Variants in PARD3B observed in about 807,000 individuals in gnomAD.
PARD3B encodes par-3 family cell polarity regulator beta, also known as partitioning defective 3 homolog B.
In PARD3B, 103 loss-of-function variants were observed where a neutral mutation model predicts 130.2. The observed-to-expected ratio is 0.79, with a 90% CI of 0.67 to 0.93. PARD3B has a LOEUF of 0.93. PARD3B is among the 40% of genes least tolerant of loss of function. The probability of loss-of-function intolerance (pLI) is 0.00; values close to 1 mark genes in which losing one functional copy is unlikely to be tolerated. For missense variants in PARD3B, 1,609 were observed against 1,499.2 expected, an observed-to-expected ratio of 1.07 and a Z score of -1.21; for synonymous variants, 583 against 553.2, an observed-to-expected ratio of 1.05 and a Z score of -0.76.
chr2:205,333,802 CCTCT>C (rs1294799236), intron 18 of PARD3B, among the ~76,000 whole-genome samples: 1 of 151,966 alleles, frequency 6.6e-6, no homozygotes, highest in Non-Finnish European at 1.5e-5. Flanking sequence ...TCTATGATTC[CCTCT>C]AAGATGGTGG....
At chr2:204,788,365 C>G (rs1250315623) in intron 2 of PARD3B, among the ~76,000 whole-genome samples, 2 of 152,210 alleles carry the variant, frequency 1.3e-5, no homozygotes, top group African/African-American at 4.8e-5. Context: ...TTGCAAAAGA[C>G]AGAGGCATAG....
intron 21 of PARD3B, among the ~76,000 whole-genome samples, chr2:205,518,122 G>A (rs1289716853): frequency 6.6e-6 from 1 of 152,036 alleles, no homozygotes; most frequent in Non-Finnish European, 1.5e-5. Context: ...GTTGAGTTCA[G>A]GTCCTGAATA....
intron 18 of PARD3B, among the ~76,000 whole-genome samples, chr2:205,314,189 TATCTGAGAACTTCAATGTAATTTA>T (rs2042483040): frequency 6.6e-6 from 1 of 152,192 alleles, no homozygotes. Context: ...TAGTACCTTT[TATCTGAGAACTTCAATGTAATTTA>T]CTAACATCCA....
At chr2:205,106,812 T>A (rs1703255057) in intron 5 of PARD3B, among the ~76,000 whole-genome samples, 1 of 152,116 alleles carries the variant, frequency 6.6e-6, no homozygotes, top group Non-Finnish European at 1.5e-5. Context: ...TGAGTGCAAT[T>A]CCCAGCACTT....
At chr2:204,634,291 G>T (rs1046640732) in intron 1 of PARD3B, among the ~76,000 whole-genome samples, 1 of 152,112 alleles carries the variant, frequency 6.6e-6, no homozygotes, top group Non-Finnish European at 1.5e-5. Context: ...ATGATCTCCA[G>T]TTCCATTCAT....
At position 204,606,653 on chromosome 2, in the gene PARD3B, G is replaced by A. The variant is rs10174747; in HGVS notation, c.120+60534G>A. Among the ~76,000 whole-genome samples the A allele has an allele frequency of 0.68, 103,916 of 151,952 alleles. 36,964 individuals are homozygous for A. The highest frequency in any genetic ancestry group is 0.78 in the East Asian group (4,024 of 5,156). On this transcript the variant is annotated intron_variant, in intron 1 of 22. Coordinates refer to ENST00000406610, the MANE Select transcript of PARD3B (RefSeq NM_001302769.2). The surrounding 1 kb of genome is among the most constrained non-coding windows in gnomAD (Gnocchi z 4.0). ...ATCAACCATTTATGAAGAAGCTCCA[G>A]TGGCTACCACAGATGACGCACTGGT...
At chr2:205,195,302 C>G (rs41384245) in intron 15 of PARD3B, among the ~76,000 whole-genome samples, 25,025 of 151,990 alleles carry the variant, frequency 0.16, 2,432 homozygotes, top group African/African-American at 0.27. Context: ...ACCCTAGTAC[C>G]AAACTAAAAG....
chr2:205,512,989 CTTT>C (rs34921395), intron 21 of PARD3B, among the ~76,000 whole-genome samples: 3 of 143,330 alleles, frequency 2.1e-5, no homozygotes, highest in South Asian at 2.2e-4. Context: ...TTTTTTCCTT[CTTT>C]TTTTTTTTTT....
intron 2 of PARD3B, among the ~76,000 whole-genome samples, chr2:204,696,001 A>C (rs913577513): frequency 3.3e-5 from 5 of 152,056 alleles, no homozygotes; most frequent in Non-Finnish European, 5.9e-5. Context: ...ACTAAAGTAC[A>C]AGGATAGTTG....
chr2:205,571,651 C>A (rs1274161978), intron 22 of PARD3B, among the ~76,000 whole-genome samples: 1 of 152,074 alleles, frequency 6.6e-6, no homozygotes, highest in South Asian at 2.1e-4. Flanking sequence ...TTTTATCAAC[C>A]TTACTAATAA....
intron 18 of PARD3B, among the ~76,000 whole-genome samples, chr2:205,335,970 CAT>C (rs991503915): frequency 6.6e-6 from 1 of 152,174 alleles, no homozygotes; most frequent in African/African-American, 2.4e-5. Context: ...TCCCATGACA[CAT>C]AGGAATTGTG....
At chr2:205,436,938 G>T (rs369399619) in intron 19 of PARD3B, among the ~76,000 whole-genome samples, 1 of 151,894 alleles carries the variant, frequency 6.6e-6, no homozygotes, top group South Asian at 2.1e-4. Context: ...GACCTGCTCA[G>T]GGGAAATATC....
At chr2:204,914,444 A>G (rs1202251886) in intron 2 of PARD3B, among the ~76,000 whole-genome samples, 1 of 152,150 alleles carries the variant, frequency 6.6e-6, no homozygotes, top group African/African-American at 2.4e-5. Context: ...TTCTTGTCTA[A>G]TGACAGTGAG....
chr2:204,980,768 C>T (rs1247460560), intron 3 of PARD3B, among the ~76,000 whole-genome samples: 2 of 152,066 alleles, frequency 1.3e-5, no homozygotes, highest in Admixed American at 6.5e-5. Context: ...TCATGAACAA[C>T]AAGGAAAGAT....
chr2:205,445,326 A>AT (rs1275309372), intron 20 of PARD3B, among the ~76,000 whole-genome samples: 1 of 152,160 alleles, frequency 6.6e-6, no homozygotes, highest in Non-Finnish European at 1.5e-5. Context: ...CTATAATGAG[A>AT]TACCTGTGAC....
intron 21 of PARD3B, among the ~76,000 whole-genome samples, chr2:205,506,205 C>T (rs2106358209): frequency 6.6e-6 from 1 of 152,142 alleles, no homozygotes; most frequent in African/African-American, 2.4e-5. Flanking sequence ...TGGTGGTGCA[C>T]ACCTGTAGTC....
chr2:205,528,180 T>C (rs1011350765), intron 21 of PARD3B, among the ~76,000 whole-genome samples: 3 of 152,166 alleles, frequency 2.0e-5, no homozygotes, highest in Non-Finnish European at 4.4e-5. Flanking sequence ...TGAAGCCTTC[T>C]CCAGCTGCTC....
intron 2 of PARD3B, among the ~76,000 whole-genome samples, chr2:204,884,074 GCTAAATATTTCATCTTTTT>G (rs1372855056): frequency 2.0e-5 from 3 of 152,128 alleles, no homozygotes; most frequent in Non-Finnish European, 2.9e-5. Flanking sequence ...CAAGATAATA[GCTAAATATTTCATCTTTTT>G]CTAGGATTAA....
In PARD3B at chr2:205,406,235, A is replaced by T. The variant is rs143617898; in HGVS notation, c.2741+5112A>T. On this transcript the variant is annotated intron_variant, in intron 19 of 22. Transcript: ENST00000406610. ...ACTTTATCAGTTTATTTGCTTATTC[A>T]TCCATTCATTTATTTACTTTTTTGA... is the stretch of plus-strand genomic sequence containing the variant. 2.6e-3 allele frequency among the ~76,000 whole-genome samples: 394 copies of T among 152,268 alleles called. 3 individuals are homozygous for T. The East Asian group carries it at 0.039, about 15-fold the overall frequency.
Sources: gnomAD v4.1 joint callset for allele counts (sites outside exome capture counted in the v4.1 genomes callset) on GRCh38, gnomAD v4.1.1 for gene constraint, Gnocchi (gnomAD v3.1) non-coding constraint, MANE v1.5 for transcripts, NCBI Gene and HGNC (gene_info 2026-07-23, HGNC 2026-07-21) for gene names.